Variants in DMD observed in about 807,000 individuals in gnomAD.
The protein encoded by DMD is dystrophin.
DMD carries 63 observed loss-of-function variants against 330.1 expected under a neutral mutation model. The ratio of observed to expected loss-of-function variants is 0.19; its 90% CI spans 0.16 to 0.24. DMD has a LOEUF of 0.24. Ranked by LOEUF, DMD falls within the 10% of genes least tolerant of loss-of-function variation. DMD has a pLI of 1.00. For missense variants in DMD, 3,344 were observed against 2,684.1 expected, an observed-to-expected ratio of 1.25 and a Z score of -5.43; for synonymous variants, 1,223 against 959.8, an observed-to-expected ratio of 1.27 and a Z score of -5.07.
chrX:32,340,205 A>C (rs2097734687), intron 41 of DMD, among the ~76,000 whole-genome samples: 1 of 111,730 alleles, frequency 9.0e-6, no homozygotes, highest in African/African-American at 3.2e-5. Context: ...GCCAAATATA[A>C]CTGCAATATT....
intron 27 of DMD, among the ~76,000 whole-genome samples, chrX:32,447,515 A>G (rs1229789480): frequency 9.0e-6 from 1 of 111,689 alleles, no homozygotes; most frequent in Non-Finnish European, 1.9e-5. Context: ...AGCTACAAAT[A>G]CATTTTAAAA....
chrX:31,279,163 A>G (rs2052418972), intron 62 of DMD, among the ~76,000 whole-genome samples: 1 of 112,047 alleles, frequency 8.9e-6, no homozygotes, highest in African/African-American at 3.2e-5. Context: ...GTTTGTAATC[A>G]GTATTTCTTA....
intron 24 of DMD, among the ~76,000 whole-genome samples, 156 bp from the exon 25 acceptor site, chrX:32,463,750 T>A (rs1272981014): frequency 2.7e-5 from 3 of 112,261 alleles, no homozygotes; most frequent in African/African-American, 6.5e-5. Context: ...TATAGATGAC[T>A]GCCTAACAGT....
At chrX:32,205,003 TCTCACATACA>T (rs1249230061) in intron 44 of DMD, among the ~76,000 whole-genome samples, 3 of 34,728 alleles carry the variant, frequency 8.6e-5, no homozygotes, top group African/African-American at 2.3e-4. Flanking sequence ...TCTCTCTCTC[TCTCACATACA>T]CACACACACA....
At chrX:31,266,201 T>TCC (rs1491264822) in intron 62 of DMD, among the ~76,000 whole-genome samples, 93 of 46,760 alleles carry the variant, frequency 2.0e-3, no homozygotes, top group African/African-American at 9.3e-3. Flanking sequence ...CAAACAAAAA[T>TCC]CCCCACCCCC....
chrX:31,559,579 T>TGCA lies in DMD; in HGVS notation c.8218-52129_8218-52127dup, dbSNP rs1031599101. ...TGGCGTGAACCCGGGAGGCGGAGCT[T>TGCA]GCAGTGAGTCGAGATCGCGCCACTG... On this transcript the variant is annotated intron_variant, in intron 55 of 78. Transcript: ENST00000357033. Among the ~76,000 whole-genome samples the TGCA allele has an allele frequency of 3.8e-4, 25 of 65,298 alleles. 5 individuals are homozygous for TGCA. Among genetic ancestry groups the TGCA allele is most frequent in the African/African-American group, 2.1e-3 (25 of 11,819 alleles). The allele number at this position is 65,298 out of a possible 115,157, so 56.7% of individuals were successfully genotyped here. A position where few individuals can be genotyped will look rare whatever the true frequency, so the allele number is the denominator to read the frequency against.
chrX:31,809,053 G>A (rs974696918), intron 50 of DMD, among the ~76,000 whole-genome samples: 5 of 108,237 alleles, frequency 4.6e-5, no homozygotes, highest in African/African-American at 1.7e-4. Flanking sequence ...GGACATTGGA[G>A]ATTGGCTAGT....
intron 50 of DMD, among the ~76,000 whole-genome samples, chrX:31,794,200 C>T (rs1193573117): frequency 3.6e-5 from 4 of 111,537 alleles, no homozygotes; most frequent in Non-Finnish European, 7.5e-5. Context: ...GCCCACTCTA[C>T]TTGGACTTAT....
At chrX:32,387,267 C>T (rs1237626981) in intron 32 of DMD, among the ~76,000 whole-genome samples, 1 of 110,918 alleles carries the variant, frequency 9.0e-6, no homozygotes, top group Non-Finnish European at 1.9e-5. Flanking sequence ...ACTCCAACAC[C>T]ACTTGATGTC....
At chrX:31,123,874 CAA>C (rs201930778) in intron 78 of DMD, among the ~76,000 whole-genome samples, 1 of 111,582 alleles carries the variant, frequency 9.0e-6, no homozygotes, top group Non-Finnish European at 1.9e-5. Context: ...TCGATAATCA[CAA>C]AGTGTCTTTC....
intron 7 of DMD, among the ~76,000 whole-genome samples, chrX:32,716,431 T>A (rs1487826036): frequency 9.0e-6 from 1 of 111,478 alleles, no homozygotes. Context: ...AGGTGGAAAT[T>A]TCCTGAGGTA....
chrX:33,086,767 C>T (rs776386091), intron 1 of DMD, among the ~76,000 whole-genome samples: 1,139 of 107,727 alleles, frequency 0.011, 14 homozygotes, highest in African/African-American at 0.037. Context: ...ACACAAATAT[C>T]TGTTTTCATA....
At chrX:31,176,732 A>C (rs1377626991) in intron 71 of DMD, among the ~76,000 whole-genome samples, 1 of 111,131 alleles carries the variant, frequency 9.0e-6, no homozygotes, top group Non-Finnish European at 1.9e-5. Context: ...AACCTAAATA[A>C]CTCCCTAAGT....
Position 31,380,689 on chromosome X carries a change from C to T in DMD, c.9085-32055G>A, listed in dbSNP as rs180882836. Among the ~76,000 whole-genome samples, 7 of 110,845 alleles carry T rather than the reference C, an allele frequency of 6.3e-5. No individual in the cohort carries two copies. In the East Asian group the frequency reaches 2.0e-3, roughly 31 times the overall value. On this transcript the variant is annotated intron_variant, in intron 60 of 78. Transcript: ENST00000357033. Reference sequence around the variant, plus strand: ...TGCCTATCAACCCTGTGGTGCCAAACCCATATACTCTCCTGTCCTCAATAC... The same window carrying T: ...TGCCTATCAACCCTGTGGTGCCAAATCCATATACTCTCCTGTCCTCAATAC...
At chrX:32,997,627 T>G (rs1475592576) in intron 2 of DMD, among the ~76,000 whole-genome samples, 1 of 112,131 alleles carries the variant, frequency 8.9e-6, no homozygotes, top group Non-Finnish European at 1.9e-5. Flanking sequence ...AGGACTATTT[T>G]GAGCTAAAGG....
At chrX:31,231,258 TATATAAC>T (rs1309382916) in intron 63 of DMD, among the ~76,000 whole-genome samples, 2 of 110,853 alleles carry the variant, frequency 1.8e-5, no homozygotes, top group Non-Finnish European at 3.8e-5. Context: ...ATTATTTTAA[TATATAAC>T]ATATATTATT....
chrX:31,965,843 G>A (rs771821969), intron 45 of DMD, among the ~76,000 whole-genome samples: 6 of 111,678 alleles, frequency 5.4e-5, no homozygotes, highest in Non-Finnish European at 9.4e-5. Context: ...AAACTGCATC[G>A]CTAACTGACT....
At chrX:32,901,677 T>G (rs1381503177) in intron 2 of DMD, among the ~76,000 whole-genome samples, 2 of 111,063 alleles carry the variant, frequency 1.8e-5, no homozygotes, top group Non-Finnish European at 3.8e-5. Flanking sequence ...TTTCATAAAA[T>G]GTAATATCTG....
chrX:32,500,458 T>G (rs1459584179), intron 19 of DMD, among the ~76,000 whole-genome samples: 1 of 111,957 alleles, frequency 8.9e-6, no homozygotes, highest in East Asian at 2.8e-4. Flanking sequence ...TTAAATTATT[T>G]CTGATTAATT....
Sources: gnomAD v4.1 joint callset for allele counts (sites outside exome capture counted in the v4.1 genomes callset) on GRCh38, gnomAD v4.1.1 for gene constraint, MANE v1.5 for transcripts, NCBI Gene and HGNC (gene_info 2026-07-23, HGNC 2026-07-21) for gene names.